RPS5: variants seen among roughly 807,000 people sequenced by gnomAD.
The protein encoded by RPS5 is ribosomal protein S5.
RPS5 carries 2 observed loss-of-function variants against 20.9 expected under a neutral mutation model. The ratio of observed to expected loss-of-function variants is 0.10; its 90% CI spans 0.04 to 0.30. The LOEUF (loss-of-function observed/expected upper bound fraction) is 0.30. Ranked by LOEUF, RPS5 falls within the 10% of genes least tolerant of loss-of-function variation. The probability of loss-of-function intolerance (pLI) is 1.00; values close to 1 mark genes in which losing one functional copy is unlikely to be tolerated. For synonymous variants in RPS5, 112 were observed against 105.8 expected, an observed-to-expected ratio of 1.06 and a Z score of -0.36; for missense variants, 122 against 287.2, an observed-to-expected ratio of 0.42 and a Z score of 4.16.
chr19:58,392,712 G>T (rs547403554), intron 2 of RPS5, among the ~76,000 whole-genome samples: 21 of 151,654 alleles, frequency 1.4e-4, no homozygotes, highest in Non-Finnish European at 2.5e-4. Context: ...CAATTATCTG[G>T]TCCAAAATCT....
intron 3 of RPS5, 58 bp from the exon 4 acceptor site, chr19:58,393,301 A>C (rs757508690): frequency 6.2e-7 from 1 of 1,607,962 alleles, no homozygotes; most frequent in Non-Finnish European, 8.5e-7. Flanking sequence ...TTTAGGTATG[A>C]GGAAAGGGGA....
intron 2 of RPS5, among the ~76,000 whole-genome samples, chr19:58,392,723 A>C (rs570570503): frequency 6.6e-6 from 1 of 152,024 alleles, no homozygotes; most frequent in Admixed American, 6.6e-5. Context: ...TCCAAAATCT[A>C]GTCTCCTTAG....
chr19:58,387,765 C>G, intron 1 of RPS5: 1 of 255,188 alleles, frequency 3.9e-6, no homozygotes, highest in South Asian at 4.3e-5. Flanking sequence ...GCCAAAGAAA[C>G]AGTCCGAGAC....
chr19:58,391,813 C>A (rs2052365611), intron 2 of RPS5, among the ~76,000 whole-genome samples: 1 of 152,036 alleles, frequency 6.6e-6, no homozygotes, highest in Non-Finnish European at 1.5e-5. Context: ...GTAGTCCCAG[C>A]TACTCAGGAA....
chr19:58,394,398 A>G (rs2052383769), intron 4 of RPS5, 99 bp from the exon 5 acceptor site: 2 of 950,190 alleles, frequency 2.1e-6, no homozygotes, highest in South Asian at 2.8e-5. Flanking sequence ...CAGTGGGCCT[A>G]TGGGTGACAA....
chr19:58,388,967 C>T (rs972610834), intron 2 of RPS5, among the ~76,000 whole-genome samples: 26 of 152,120 alleles, frequency 1.7e-4, no homozygotes, highest in African/African-American at 6.3e-4. Context: ...CAGTTATATT[C>T]CACTGGTCTA....
intron 4 of RPS5, chr19:58,394,086 C>G (rs2052381176): frequency 4.9e-6 from 1 of 202,444 alleles, no homozygotes; most frequent in Admixed American, 5.3e-5. Context: ...CAGGCATGAG[C>G]CACCACACCT....
In RPS5 at chr19:58,387,315, A is replaced by G. The variant is rs1000894230; in HGVS notation, c.-26A>G. On this transcript the variant is annotated 5_prime_UTR_variant, in exon 1 of 6. Coordinates refer to ENST00000196551, the MANE Select transcript of RPS5 (RefSeq NM_001009.4). ...CGGCGCGTGGTCTACGCCGAGTGAC[A>G]GAGACGCTCAGGCTGTGTTCTCAGG... 3 of 152,276 alleles carry G rather than the reference A, an allele frequency of 2.0e-5. No homozygotes were observed. The highest frequency in any genetic ancestry group is 4.4e-5 in the Non-Finnish European group (3 of 68,058). 9.4% of individuals were successfully genotyped at this position (152,276 alleles called of 1,614,324 possible). A position where few individuals can be genotyped will look rare whatever the true frequency, so the allele number is the denominator to read the frequency against.
chr19:58,390,560 C>T (rs772133572), intron 2 of RPS5, among the ~76,000 whole-genome samples: 3 of 150,398 alleles, frequency 2.0e-5, no homozygotes, highest in Admixed American at 1.3e-4. Context: ...CTCAGCCTCC[C>T]TAGTAGCTGG....
At chr19:58,390,416 G>A (rs1375152885) in intron 2 of RPS5, among the ~76,000 whole-genome samples, 1 of 146,482 alleles carries the variant, frequency 6.8e-6, no homozygotes, top group Non-Finnish European at 1.5e-5. Context: ...GGCCACACTG[G>A]CCACTGTTAC....
chr19:58,392,959 G>T lies in RPS5; in HGVS notation c.109-17G>T, dbSNP rs1429680144. On this transcript the variant is annotated splice_polypyrimidine_tract_variant and intron_variant, in intron 2 of 5. Coordinates refer to ENST00000196551, the MANE Select transcript of RPS5 (RefSeq NM_001009.4). ...CCTGACCATTTTCCCTTCATTTCCTGCTCCCTGCTGCCCCAGGATTACATT... is the reference window on the plus strand; with the variant it reads ...CCTGACCATTTTCCCTTCATTTCCTTCTCCCTGCTGCCCCAGGATTACATT... 1 of 1,610,908 alleles carries T rather than the reference G, an allele frequency of 6.2e-7. No homozygotes were observed.
chr19:58,393,245 G>A (rs907137981), intron 3 of RPS5, 60 bp downstream of exon 3: 71 of 1,611,970 alleles, frequency 4.4e-5, no homozygotes, highest in Non-Finnish European at 5.9e-5. Flanking sequence ...AAAGCCCCAC[G>A]GAGTGTATGT....
chr19:58,390,061 A>T (rs1178588581), intron 2 of RPS5, among the ~76,000 whole-genome samples: 1 of 151,382 alleles, frequency 6.6e-6, no homozygotes, highest in African/African-American at 2.4e-5. Context: ...CACCCAGCTA[A>T]TTTTTTTATT....
At position 58,388,364 on chromosome 19, in the gene RPS5, A is replaced by G. The variant is rs1459976851; in HGVS notation, c.108+119A>G. On this transcript the variant is annotated intron_variant, in intron 2 of 5. Coordinates refer to ENST00000196551, the MANE Select transcript of RPS5 (RefSeq NM_001009.4). ...GAATAGAGATCATAACAGGTAAAGA[A>G]GGGATCCCTTGACCACCACATCTAC... 3.5e-5 allele frequency: 25 copies of G among 717,652 alleles called. No homozygotes were observed. In the East Asian group the frequency reaches 6.5e-4, roughly 19 times the overall value. 44.5% of individuals were successfully genotyped at this position (717,652 alleles called of 1,614,324 possible). A position where few individuals can be genotyped will look rare whatever the true frequency, so the allele number is the denominator to read the frequency against.
chr19:58,388,512 C>G (rs983635709), intron 2 of RPS5: 4 of 532,394 alleles, frequency 7.5e-6, no homozygotes, highest in Middle Eastern at 4.8e-4. Context: ...TAGTAAAATA[C>G]ATAACATCCA....
intron 5 of RPS5, 35 bp downstream of exon 5, chr19:58,394,630 T>C: frequency 6.2e-7 from 1 of 1,613,722 alleles, no homozygotes; most frequent in Non-Finnish European, 8.5e-7. Flanking sequence ...GGGTCTTAAG[T>C]TGGGCATTTG....
chr19:58,394,482 C>T lies in RPS5; in HGVS notation c.448-15C>T, dbSNP rs1335514399. Reference sequence around the variant, plus strand: ...GCAGTCTGTCCTTCTAGCCTGACCCCTGCTGTCTTCCTAGGCCATCTGGCT... The same window carrying T: ...GCAGTCTGTCCTTCTAGCCTGACCCTTGCTGTCTTCCTAGGCCATCTGGCT... On this transcript the variant is annotated splice_polypyrimidine_tract_variant and intron_variant, in intron 4 of 5. Transcript: ENST00000196551. The T allele has an allele frequency of 1.2e-5, 19 of 1,612,714 alleles. No individual in the cohort carries two copies. The highest frequency in any genetic ancestry group is 1.5e-5 in the Non-Finnish European group (18 of 1,179,210).
intron 2 of RPS5, among the ~76,000 whole-genome samples, chr19:58,388,755 G>C (rs1321412309): frequency 6.7e-6 from 1 of 149,466 alleles, no homozygotes; most frequent in African/African-American, 2.5e-5. Context: ...CTCCTGAGTA[G>C]CTGGGACTAC....
chr19:58,393,620 T>TAGAGGAA, intron 4 of RPS5, 133 bp downstream of exon 4: 2 of 1,202,626 alleles, frequency 1.7e-6, no homozygotes, highest in Non-Finnish European at 2.3e-6. Flanking sequence ...GAAGCCTTCC[T>TAGAGGAA]GGATTCCCAC....
Sources: allele counts gnomAD v4.1 joint callset (sites outside exome capture counted in the v4.1 genomes callset), GRCh38; gene constraint gnomAD v4.1.1; transcripts MANE v1.5; gene names NCBI Gene and HGNC (gene_info 2026-07-23, HGNC 2026-07-21).